The following CACNB3 variants were observed in gnomAD, a reference collection of about 807,000 sequenced individuals.
The protein encoded by CACNB3 is voltage-dependent L-type calcium channel subunit beta-3.
Under a neutral mutation model 63.7 loss-of-function variants are expected in CACNB3, and 36 were observed. That is an observed-to-expected ratio of 0.57 (90% CI 0.43 to 0.75). The LOEUF (loss-of-function observed/expected upper bound fraction) is 0.75, where lower values mean the gene tolerates loss of function less well. CACNB3 is among the 30% of genes least tolerant of loss of function. The pLI is 0.00. For missense variants in CACNB3, 493 were observed against 648.6 expected (o/e 0.76, Z 2.61); for synonymous variants, 241 against 250.6 (o/e 0.96, Z 0.36).
chr12:48,826,944 CCAACGTTGCG>C lies in CACNB3; in HGVS notation c.991-28_991-19del. The C allele has an allele frequency of 6.2e-7, 1 of 1,613,512 alleles. No individual in the cohort carries two copies. The highest frequency in any genetic ancestry group is 8.5e-7 in the Non-Finnish European group (1 of 1,179,674). ...GTGGGGGGCTGCTACTGAGGGGAAACCAACGTTGCGCCTTCCTCCCCCTCCCCAGGAGTCA... is the reference window on the plus strand; with the variant it reads ...GTGGGGGGCTGCTACTGAGGGGAAACCCTTCCTCCCCCTCCCCAGGAGTCA... On this transcript the variant is annotated intron_variant, in intron 11 of 12. Coordinates refer to ENST00000301050, the MANE Select transcript of CACNB3 (RefSeq NM_000725.4). The surrounding 1 kb of genome is among the most constrained non-coding windows in gnomAD (Gnocchi z 4.8).
Position 48,825,026 on chromosome 12 carries a change from T to G in CACNB3, c.492+58T>G. On this transcript the variant is annotated intron_variant, in intron 6 of 12. Transcript: ENST00000301050. The surrounding 1 kb of genome is among the most constrained non-coding windows in gnomAD (Gnocchi z 4.5). Reference sequence around the variant, plus strand: ...TCATGGCTTATGGCTCTGGGGACAGTGTTCTAGGCAGTCATTGTTGGAGGG... The same window carrying G: ...TCATGGCTTATGGCTCTGGGGACAGGGTTCTAGGCAGTCATTGTTGGAGGG... 3.3e-6 allele frequency: 5 copies of G among 1,521,494 alleles called. No individual in the cohort carries two copies. The highest frequency in any genetic ancestry group is 4.5e-6 in the Non-Finnish European group (5 of 1,118,078). The allele number at this position is 1,521,494 out of a possible 1,614,324, so 94.2% of individuals were successfully genotyped here.
chr12:48,819,469 G>A (rs1937728560), intron 1 of CACNB3, among the ~76,000 whole-genome samples: 2 of 152,270 alleles, frequency 1.3e-5, no homozygotes, highest in Middle Eastern at 3.4e-3. Context: ...TCTTCAGACA[G>A]ACGGATCCTA....
At chr12:48,827,505 G>C in intron 12 of CACNB3, 80 bp from the exon 13 acceptor site, 2 of 1,295,078 alleles carry the variant, frequency 1.5e-6, no homozygotes, top group Non-Finnish European at 2.2e-6. Flanking sequence ...TGAGAGTTGA[G>C]GGGGGAAGAA....
At chr12:48,824,993 TG>T in intron 6 of CACNB3, 25 bp downstream of exon 6, 1 of 1,606,408 alleles carries the variant, frequency 6.2e-7, no homozygotes, top group Non-Finnish European at 8.5e-7. Context: ...GGACCTGGGC[TG>T]GGGGGATCAT....
chr12:48,815,817 C>A, upstream of CACNB3: 1 of 876,380 alleles, frequency 1.1e-6, no homozygotes, highest in Non-Finnish European at 1.8e-6. Flanking sequence ...AGGGGGCACG[C>A]GTTTGGGGGA....
At position 48,826,633 on chromosome 12, in the gene CACNB3, C is replaced by A; in HGVS notation, c.894+115C>A. 1 of 1,456,446 alleles carries A rather than the reference C, an allele frequency of 6.9e-7. No individual in the cohort carries two copies. Among genetic ancestry groups the A allele is most frequent in the Non-Finnish European group, 9.6e-7 (1 of 1,042,190 alleles). 90.2% of individuals were successfully genotyped at this position (1,456,446 alleles called of 1,614,324 possible). A position where few individuals can be genotyped will look rare whatever the true frequency, so the allele number is the denominator to read the frequency against. ...AGTTCCCTTTTCCTGCTGCCCTTAACACAACTCTGAGTCATCCTCACCTGC... is the reference window on the plus strand; with the variant it reads ...AGTTCCCTTTTCCTGCTGCCCTTAAAACAACTCTGAGTCATCCTCACCTGC... On this transcript the variant is annotated intron_variant, in intron 10 of 12. Transcript: ENST00000301050. This position sits in a 1 kb window ranked among gnomAD's most constrained non-coding sequence, Gnocchi z 4.8.
In CACNB3 at chr12:48,818,876, C is replaced by G; in HGVS notation, c.-54C>G. The G allele has an allele frequency of 6.5e-7, 1 of 1,537,384 alleles. No homozygotes were observed. The highest frequency in any genetic ancestry group is 8.8e-7 in the Non-Finnish European group (1 of 1,140,992). On this transcript the variant is annotated 5_prime_UTR_variant, in exon 1 of 13. Transcript: ENST00000301050. The surrounding 1 kb of genome is among the most constrained non-coding windows in gnomAD (Gnocchi z 4.3). ...CGCGGCCCGCAGTCCTTGCCCCTGCCTCCGGGCCGCTCCCGCCCCCGGCGC... is the reference window on the plus strand; with the variant it reads ...CGCGGCCCGCAGTCCTTGCCCCTGCGTCCGGGCCGCTCCCGCCCCCGGCGC...
intron 1 of CACNB3, among the ~76,000 whole-genome samples, chr12:48,822,243 G>A (rs1190669994): frequency 6.6e-6 from 1 of 152,082 alleles, no homozygotes; most frequent in Admixed American, 6.6e-5. Flanking sequence ...GAAAACTGAG[G>A]CAGGAAACGA....
chr12:48,825,104 C>T lies in CACNB3; in HGVS notation c.493-59C>T. The stretch of plus-strand genomic sequence containing the variant: ...ACCTCTGGATCTGCCCTGACGCCAA[C>T]CAGGCATGAGACAGGCACCAGGGCC... On this transcript the variant is annotated intron_variant, in intron 6 of 12. Coordinates refer to ENST00000301050, the MANE Select transcript of CACNB3 (RefSeq NM_000725.4). This position sits in a 1 kb window ranked among gnomAD's most constrained non-coding sequence, Gnocchi z 4.5. The T allele has an allele frequency of 6.3e-7, 1 of 1,597,074 alleles. No homozygotes were observed. The highest frequency in any genetic ancestry group is 8.6e-7 in the Non-Finnish European group (1 of 1,164,804).
intron 1 of CACNB3, among the ~76,000 whole-genome samples, chr12:48,822,648 A>G (rs920884295): frequency 1.3e-5 from 2 of 152,006 alleles, no homozygotes; most frequent in African/African-American, 4.8e-5. Context: ...TGCTGCCCAC[A>G]CCTGGCTAGT....
upstream of CACNB3, chr12:48,814,746 C>G: frequency 1.8e-6 from 1 of 570,174 alleles, no homozygotes; most frequent in Non-Finnish European, 2.9e-6. The surrounding 1 kb of genome is among the most constrained non-coding windows in gnomAD (Gnocchi z 6.9). Flanking sequence ...GTCCCCCCTG[C>G]TCTGGCCTGG....
upstream of CACNB3, chr12:48,815,608 G>A: frequency 1.3e-6 from 2 of 1,532,578 alleles, no homozygotes; most frequent in Non-Finnish European, 1.7e-6. Flanking sequence ...CGGGAGCAGC[G>A]TGCAGAGCAG....
intron 1 of CACNB3, among the ~76,000 whole-genome samples, chr12:48,819,421 A>G (rs1937723143): frequency 6.6e-6 from 1 of 152,198 alleles, no homozygotes; most frequent in Non-Finnish European, 1.5e-5. Flanking sequence ...ACGACACATC[A>G]GGGAGCTGAG....
chr12:48,827,008 TG>T lies in CACNB3; in HGVS notation c.1027del (p.Glu343ArgfsTer58), dbSNP rs996603390. Reference sequence around the variant, plus strand: ...GATGTGATTCTGGATGAGAACCAGCTGGAGGATGCCTGTGAGCACCTGGCTG... The same window carrying T: ...GATGTGATTCTGGATGAGAACCAGCTGAGGATGCCTGTGAGCACCTGGCTG... ...SFDVILDENQ[L>X]EDACEHLAEY... On this transcript the variant is annotated frameshift_variant, in exon 12 of 13. Coordinates refer to ENST00000301050, the MANE Select transcript of CACNB3 (RefSeq NM_000725.4). LOFTEE classifies it high-confidence loss of function. The T allele has an allele frequency of 6.2e-7, 1 of 1,614,000 alleles. No homozygotes were observed. Among genetic ancestry groups the T allele is most frequent in the Non-Finnish European group, 8.5e-7 (1 of 1,180,024 alleles).
rs115202023 is a variant in CACNB3, at chr12:48,826,966, C to A, written c.991-8C>A. The A allele has an allele frequency of 4.8e-4, 773 of 1,613,960 alleles. 12 individuals carry two copies. The African/African-American group carries it at 9.1e-3, about 19-fold the overall frequency. ...AAACCAACGTTGCGCCTTCCTCCCC[C>A]TCCCCAGGAGTCATTTGATGTGATT... On this transcript the variant is annotated splice_polypyrimidine_tract_variant and splice_region_variant and intron_variant, in intron 11 of 12. Coordinates refer to ENST00000301050, the MANE Select transcript of CACNB3 (RefSeq NM_000725.4). The surrounding 1 kb of genome is among the most constrained non-coding windows in gnomAD (Gnocchi z 4.8).
At position 48,827,057 on chromosome 12, in the gene CACNB3, G is replaced by T. The variant is rs1004948521; in HGVS notation, c.1074G>T (p.Arg358=). Residue 358 remains arginine, a synonymous_variant, in exon 12 of 13, where the codon CGG becomes CGT. Coordinates refer to ENST00000301050, the MANE Select transcript of CACNB3 (RefSeq NM_000725.4). ...CTGAGTACCTGGAGGTTTACTGGCG[G>T]GCCACGCACCACCCAGCCCCTGGCC... ...HLAEYLEVYW[R]ATHHPAPGPG... is the part of the protein sequence containing the mutation. 2 of 1,613,536 alleles carry T rather than the reference G, an allele frequency of 1.2e-6. No homozygotes were observed. Among genetic ancestry groups the T allele is most frequent in the African/African-American group, 2.7e-5 (2 of 74,878 alleles).
At chr12:48,815,736 TGG>T, upstream of CACNB3, 15 of 416,972 alleles carry the variant, frequency 3.6e-5, no homozygotes, top group South Asian at 5.3e-5. Flanking sequence ...GAGGTAACCG[TGG>T]GGGGGGTGTG....
At position 48,818,538 on chromosome 12, in the gene CACNB3, C is replaced by A. The variant is rs1937643369; in HGVS notation, c.-392C>A. Reference sequence around the variant, plus strand: ...CCACGGCCCCGTAGGTGCTCGGGGACCCACCTTCCACCTAGCACGGGTTCG... The same window carrying A: ...CCACGGCCCCGTAGGTGCTCGGGGAACCACCTTCCACCTAGCACGGGTTCG... On this transcript the variant is annotated 5_prime_UTR_variant, in exon 1 of 13. Coordinates refer to ENST00000301050, the MANE Select transcript of CACNB3 (RefSeq NM_000725.4). The surrounding 1 kb of genome is among the most constrained non-coding windows in gnomAD (Gnocchi z 4.3). The A allele has an allele frequency of 9.8e-7, 1 of 1,022,686 alleles. No homozygotes were observed. The highest frequency in any genetic ancestry group is 1.2e-6 in the Non-Finnish European group (1 of 854,720). The allele number at this position is 1,022,686 out of a possible 1,614,324, so 63.4% of individuals were successfully genotyped here.
In CACNB3 at chr12:48,824,083, T is replaced by A. The variant is rs2137457035; in HGVS notation, c.292-175T>A. 5 of 683,876 alleles carry A rather than the reference T, an allele frequency of 7.3e-6. No homozygotes were observed. In the East Asian group the frequency reaches 1.4e-4, roughly 19 times the overall value. 42.4% of individuals were successfully genotyped at this position (683,876 alleles called of 1,614,324 possible). A position where few individuals can be genotyped will look rare whatever the true frequency, so the allele number is the denominator to read the frequency against. On this transcript the variant is annotated intron_variant, in intron 3 of 12. Transcript: ENST00000301050. ...ACAGCTGCAATGCCTCACTCAGAAA[T>A]CCTGGGTGGCCCGAACTTGGCTGTC...
Sources: gnomAD v4.1 joint callset for allele counts (sites outside exome capture counted in the v4.1 genomes callset) on GRCh38, gnomAD v4.1.1 for gene constraint, Gnocchi (gnomAD v3.1) non-coding constraint, MANE v1.5 for transcripts, NCBI Gene and HGNC (gene_info 2026-07-23, HGNC 2026-07-21) for gene names.